Variants in TTN observed in about 807,000 individuals in gnomAD.
TTN encodes the protein titin, also known as connectin.
Under a neutral mutation model 3,223.0 loss-of-function variants are expected in TTN, and 1,525 were observed. That is an observed-to-expected ratio of 0.47 (90% CI 0.45 to 0.49). TTN has a LOEUF of 0.49. TTN is among the 20% of genes least tolerant of loss of function. TTN has a pLI of 0.00. For synonymous variants in TTN, 14,094 were observed against 15,161.0 expected, an observed-to-expected ratio of 0.93 and a Z score of 5.17; for missense variants, 40,786 against 43,424.0, an observed-to-expected ratio of 0.94 and a Z score of 5.40.
chr2:178,749,471 T>C (rs1415910918), intron 47 of TTN: 3 of 1,612,874 alleles, frequency 1.9e-6, no homozygotes, highest in Non-Finnish European at 2.5e-6. Flanking sequence ...CTCAAGGCTT[T>C]GAAAATAGTC....
At chr2:178,789,057 C>T (rs948161598) in intron 13 of TTN, among the ~76,000 whole-genome samples, 6 of 151,948 alleles carry the variant, frequency 3.9e-5, no homozygotes, top group African/African-American at 1.2e-4. Context: ...TGTTCATGGG[C>T]CTCTTAAAAT....
chr2:178,727,637 A>T lies in TTN; in HGVS notation c.19941T>A (p.His6647Gln), dbSNP rs565190478. 1 of 1,601,800 alleles carries T rather than the reference A, an allele frequency of 6.2e-7. No homozygotes were observed. The highest frequency in any genetic ancestry group is 8.5e-7 in the Non-Finnish European group (1 of 1,174,434). ...AGTCGCTACCAACATCATTGGTAAC[A>T]TGGCAAGTATACTGTCCAGTCTTAG... ...DASKTGQYTC[H>Q]VTNDVGSDSC... is the part of the protein sequence containing the mutation. The change falls in exon 68 of 363, where the codon CAT becomes CAA. Residue 6647 changes from histidine to glutamine, a missense_variant. Coordinates refer to ENST00000589042, the MANE Select transcript of TTN (RefSeq NM_001267550.2).
Position 178,571,421 on chromosome 2 carries a change from T to C in TTN, c.74711A>G (p.Tyr24904Cys). The C allele has an allele frequency of 1.2e-6, 2 of 1,613,420 alleles. No homozygotes were observed. Among genetic ancestry groups the C allele is most frequent in the South Asian group, 1.1e-5 (1 of 91,072 alleles). Residue 24904 changes from tyrosine to cysteine, a missense_variant, in exon 326 of 363, where the codon TAT (tyrosine) becomes TGT (cysteine). Transcript: ENST00000589042. ...AGGAGGACCAGGAACTTTGAATGGA[T>C]ATTGGGCTACAGTAGGCTCTGAATT... Reference protein sequence around the residue: ...YLNSEPTVAQYPFKVPGPPGT... With the variant: ...YLNSEPTVAQCPFKVPGPPGT...
At position 178,732,103 on chromosome 2, in the gene TTN, A is replaced by G; in HGVS notation, c.16866T>C (p.Ala5622=). Residue 5622 remains alanine, a synonymous_variant, in exon 57 of 363, where the codon GCT becomes GCC. Coordinates refer to ENST00000589042, the MANE Select transcript of TTN (RefSeq NM_001267550.2). ...GEYMCEAQNE[A]GSDHCSSIVI... is the part of the protein sequence containing the mutation. ...CAATGCTACTGCAGTGGTCACTGCC[A>G]GCCTCATTTTGGGCCTCACACATAT... 1 of 1,612,850 alleles carries G rather than the reference A, an allele frequency of 6.2e-7. No homozygotes were observed. Among genetic ancestry groups the G allele is most frequent in the Non-Finnish European group, 8.5e-7 (1 of 1,179,068 alleles).
At chr2:178,603,357 T>A (rs2053959814) in intron 282 of TTN, among the ~76,000 whole-genome samples, 1 of 152,058 alleles carries the variant, frequency 6.6e-6, no homozygotes, top group South Asian at 2.1e-4. Context: ...CAGTATTTTT[T>A]AATTTTTGAA....
At position 178,715,486 on chromosome 2, in the gene TTN, C is replaced by T. The variant is rs780204398; in HGVS notation, c.25921+7G>A. 7.5e-6 allele frequency: 12 copies of T among 1,606,722 alleles called. No individual in the cohort carries two copies. The highest frequency in any genetic ancestry group is 1.7e-4 in the Middle Eastern group (1 of 6,012). ...GTGAAAAACACACAGGTGGGGAGAG[C>T]GCTGACCTTTAACTTTTAAGGATGT... is the stretch of plus-strand genomic sequence containing the variant. On this transcript the variant is annotated splice_region_variant and intron_variant, in intron 89 of 362. Transcript: ENST00000589042.
At chr2:178,791,989 G>C in intron 10 of TTN, 83 bp downstream of exon 10, 1 of 1,450,292 alleles carries the variant, frequency 6.9e-7, no homozygotes, top group Non-Finnish European at 9.5e-7. Context: ...CTCCATTTAA[G>C]GGTTTTGACT....
Position 178,789,595 on chromosome 2 carries a change from T to C in TTN, c.1939-98A>G, listed in dbSNP as rs868298197. On this transcript the variant is annotated intron_variant, in intron 12 of 362. Transcript: ENST00000589042. ...TCCTCATGGGGATGCAAGATGGTTA[T>C]TCAGGGTTAAATACACAAGAGAAAT... is the stretch of plus-strand genomic sequence containing the variant. The C allele has an allele frequency of 3.4e-6, 5 of 1,487,036 alleles. No homozygotes were observed. The Middle Eastern group carries it at 8.5e-4, about 252-fold the overall frequency. The allele number at this position is 1,487,036 out of a possible 1,614,324, so 92.1% of individuals were successfully genotyped here.
Position 178,565,334 on chromosome 2 carries a change from G to A in TTN, c.80798C>T (p.Thr26933Ile). ...TTRVNVEETA[T>I]STVLHIKEGN... Reference sequence around the variant, plus strand: ...TTCTTTAATGTGCAAAACAGTTGAGGTAGCTGTTTCTTCAACGTTTACTCT... The same window carrying A: ...TTCTTTAATGTGCAAAACAGTTGAGATAGCTGTTTCTTCAACGTTTACTCT... Residue 26933 changes from threonine (T) to isoleucine (I), a missense_variant, in exon 326 of 363, where the codon ACC (threonine) becomes ATC (isoleucine). Thr to Ile is a moderately conservative substitution (Grantham distance 89). Transcript: ENST00000589042. 6.2e-7 allele frequency: 1 copy of A among 1,613,620 alleles called. No homozygotes were observed. The highest frequency in any genetic ancestry group is 1.1e-5 in the South Asian group (1 of 91,070).
Position 178,607,584 on chromosome 2 carries a change from G to A in TTN, c.53104C>T (p.Pro17702Ser), listed in dbSNP as rs1238325853. Residue 17702 changes from proline to serine, a missense_variant, in exon 277 of 363, where the codon CCT becomes TCT. Coordinates refer to ENST00000589042, the MANE Select transcript of TTN (RefSeq NM_001267550.2). ...IPAVVTGRPVPTKVWTKEEGE... is the reference protein window; with the variant it reads ...IPAVVTGRPVSTKVWTKEEGE... ...TCTTCTTTGGTCCATACTTTTGTAG[G>A]TACAGGGCGACCAGTCACCACAGCT... The A allele has an allele frequency of 6.2e-7, 1 of 1,613,106 alleles. No homozygotes were observed. The highest frequency in any genetic ancestry group is 1.7e-5 in the Admixed American group (1 of 59,964).
At chr2:178,627,615 A>T (rs1014521074) in intron 240 of TTN, among the ~76,000 whole-genome samples, 11 of 152,118 alleles carry the variant, frequency 7.2e-5, no homozygotes, top group African/African-American at 2.6e-4. Context: ...CTATAGAATT[A>T]TAGTAAACTG....
rs745818225 is a variant in TTN, at chr2:178,715,738, C to T, written c.25676G>A (p.Arg8559Lys). The T allele has an allele frequency of 1.9e-6, 3 of 1,592,392 alleles. No homozygotes were observed. The highest frequency in any genetic ancestry group is 2.6e-6 in the Non-Finnish European group (3 of 1,167,936). Residue 8559 changes from arginine (R) to lysine (K), a missense_variant, in exon 89 of 363, where the codon AGA (arginine) becomes AAA (lysine). Physicochemically the swap from Arg to Lys is conservative, Grantham distance 26. Coordinates refer to ENST00000589042, the MANE Select transcript of TTN (RefSeq NM_001267550.2). ...PRFIKKLEPS[R>K]IVKQDEFTRY... ...TGTGAATTCATCCTGTTTCACAATT[C>T]TTGAAGGTTCTAGCTTCTTAATGAA... is the stretch of plus-strand genomic sequence containing the variant.
chr2:178,565,084 G>A lies in TTN; in HGVS notation c.81048C>T (p.Thr27016=), dbSNP rs1305590435. 6.2e-7 allele frequency: 1 copy of A among 1,613,602 alleles called. No individual in the cohort carries two copies. Among genetic ancestry groups the A allele is most frequent in the Non-Finnish European group, 8.5e-7 (1 of 1,179,638 alleles). ...CTGATACCATGTGCCAAGTGGTGGT[G>A]GTTGTATCTCGCTTCTCTACAATGT... ...SNYIVEKRDT[T]TTTWHMVSAT... Residue 27016 remains threonine (T), a synonymous_variant, in exon 326 of 363, where the codon ACC becomes ACT. Coordinates refer to ENST00000589042, the MANE Select transcript of TTN (RefSeq NM_001267550.2).
intron 2 of TTN, among the ~76,000 whole-genome samples, chr2:178,804,141 T>C (rs1286919597): frequency 6.6e-6 from 1 of 152,182 alleles, no homozygotes; most frequent in African/African-American, 2.4e-5. Context: ...CAACTGAAGT[T>C]CAGGTGTCCA....
At position 178,795,073 on chromosome 2, in the gene TTN, G is replaced by T; in HGVS notation, c.1094C>A (p.Thr365Lys). 1 of 1,613,960 alleles carries T rather than the reference G, an allele frequency of 6.2e-7. No homozygotes were observed. The highest frequency in any genetic ancestry group is 2.2e-5 in the East Asian group (1 of 44,874). The change falls in exon 7 of 363, where the codon ACA (threonine) becomes AAA (lysine). Residue 365 changes from threonine to lysine, a missense_variant. Transcript: ENST00000589042. ...SEAEMRETTL[T>K]TSTQIRTEER... ...TTCTGTCCTGATCTGAGTAGAGGTT[G>T]TCAGCGTTGTCTCTCTCATCTCAGC...
intron 16 of TTN, 114 bp downstream of exon 16, chr2:178,783,956 A>C: frequency 6.4e-7 from 1 of 1,553,390 alleles, no homozygotes; most frequent in Non-Finnish European, 8.8e-7. Flanking sequence ...AAGTCTTAGT[A>C]TGGCAAAGGA....
rs1705799804 is a variant in TTN, at chr2:178,566,258, G to A, written c.79874C>T (p.Thr26625Ile). 2 of 1,613,658 alleles carry A rather than the reference G, an allele frequency of 1.2e-6. No individual in the cohort carries two copies. The highest frequency in any genetic ancestry group is 2.2e-5 in the East Asian group (1 of 44,844). ...PFKGRPTPEI[T>I]WSREEGEFTD... ...GAATTCACCTTCCTCTCGAGACCAA[G>A]TGATCTCAGGCGTTGGACGACCTTT... Residue 26625 changes from threonine (T) to isoleucine (I), a missense_variant, in exon 326 of 363, where the codon ACT becomes ATT. Transcript: ENST00000589042.
At position 178,590,364 on chromosome 2, in the gene TTN, C is replaced by T. The variant is rs1364454525; in HGVS notation, c.61361G>A (p.Gly20454Glu). 2 of 1,580,696 alleles carry T rather than the reference C, an allele frequency of 1.3e-6. No individual in the cohort carries two copies. Among genetic ancestry groups the T allele is most frequent in the South Asian group, 1.2e-5 (1 of 83,686 alleles). ...TGCTAGTTCTCTTGGCTCACCCTCT[C>T]CTACAATATTAGCTGCCTTTATACG... ...RFRIKAANIV[G>E]EGEPRELAES... The change falls in exon 304 of 363, where the codon GGA becomes GAA. Residue 20454 changes from glycine (G) to glutamate (E), a missense_variant. By Grantham distance (98) the Gly-to-Glu change is moderately conservative. Transcript: ENST00000589042.
chr2:178,669,140 A>G (rs1289673776), intron 159 of TTN, among the ~76,000 whole-genome samples: 3 of 152,172 alleles, frequency 2.0e-5, no homozygotes, highest in Non-Finnish European at 1.5e-5. Context: ...AAGACAACTG[A>G]CTTTTCTGAA....
Sources: gnomAD v4.1 joint callset for allele counts (sites outside exome capture counted in the v4.1 genomes callset) on GRCh38, gnomAD v4.1.1 for gene constraint, MANE v1.5 for transcripts, NCBI Gene and HGNC (gene_info 2026-07-23, HGNC 2026-07-21) for gene names.